SORCS1: variants seen among roughly 807,000 people sequenced by gnomAD.
SORCS1 encodes the protein VPS10 domain-containing receptor SorCS1.
SORCS1 carries 60 observed loss-of-function variants against 146.1 expected under a neutral mutation model. The ratio of observed to expected loss-of-function variants is 0.41; its 90% confidence interval spans 0.33 to 0.51. The LOEUF (loss-of-function observed/expected upper bound fraction) is 0.51. Ranked by LOEUF, SORCS1 falls within the 20% of genes least tolerant of loss-of-function variation. The pLI, the probability that SORCS1 is intolerant of heterozygous loss-of-function variation, is 0.21. For synonymous variants in SORCS1, 637 were observed against 584.0 expected (o/e 1.09, Z -1.31); for missense variants, 1,352 against 1,487.6 (o/e 0.91, Z 1.50).
At chr10:106,637,732 A>AAC (rs1564804845) in intron 18 of SORCS1, among the ~76,000 whole-genome samples, 1 of 152,238 alleles carries the variant, frequency 6.6e-6, no homozygotes, top group Non-Finnish European at 1.5e-5. Flanking sequence ...AGATGAAATG[A>AAC]AGATGGCTGT....
At chr10:106,857,708 T>G (rs999648169) in intron 2 of SORCS1, among the ~76,000 whole-genome samples, 1 of 152,236 alleles carries the variant, frequency 6.6e-6, no homozygotes, top group African/African-American at 2.4e-5. Flanking sequence ...TTATCATTCA[T>G]TGACAGATTT....
intron 5 of SORCS1, among the ~76,000 whole-genome samples, chr10:106,736,602 T>TTAAAAAAAAAAAA (rs1433395056): frequency 3.1e-4 from 12 of 38,756 alleles, no homozygotes; most frequent in African/African-American, 8.3e-4. Context: ...TAACCCTGGT[T>TTAAAAAAAAAAAA]AAAAAAAAAA....
rs931678071 is a variant in SORCS1, at chr10:106,618,032, C to T, written c.2920+117G>A. The T allele has an allele frequency of 6.6e-6, 9 of 1,355,342 alleles. No individual in the cohort carries two copies. In the African/African-American group the frequency reaches 1.0e-4, roughly 15 times the overall value. The allele number at this position is 1,355,342 out of a possible 1,614,324, so 84.0% of individuals were successfully genotyped here. A position where few individuals can be genotyped will look rare whatever the true frequency, so the allele number is the denominator to read the frequency against. On this transcript the variant is annotated intron_variant, in intron 21 of 25. Coordinates refer to ENST00000263054, the MANE Select transcript of SORCS1 (RefSeq NM_052918.5). ...ACTCGCCTCAGCTCTTTCTCAACTA[C>T]TGCCCTCCGTTCTCCAGGTAAAAGT...
At chr10:106,971,118 C>G (rs557887202) in intron 1 of SORCS1, among the ~76,000 whole-genome samples, 1 of 151,958 alleles carries the variant, frequency 6.6e-6, no homozygotes, top group South Asian at 2.1e-4. Context: ...GTTGCCACCA[C>G]GATATTTTAA....
chr10:106,854,157 C>T (rs1192752178), intron 2 of SORCS1, among the ~76,000 whole-genome samples: 1 of 152,012 alleles, frequency 6.6e-6, no homozygotes, highest in East Asian at 1.9e-4. Flanking sequence ...ATATTAAGGA[C>T]TCATGTCTTC....
At chr10:106,807,089 G>A (rs1171906349) in intron 3 of SORCS1, among the ~76,000 whole-genome samples, 1 of 152,004 alleles carries the variant, frequency 6.6e-6, no homozygotes, top group East Asian at 1.9e-4. Context: ...TTTCTCTTTA[G>A]ATTACTTCTC....
intron 3 of SORCS1, among the ~76,000 whole-genome samples, chr10:106,798,559 T>C (rs1052024952): frequency 3.3e-5 from 5 of 152,088 alleles, no homozygotes; most frequent in Non-Finnish European, 7.4e-5. Context: ...GTCCTTGCGA[T>C]AGTTTGCTGA....
In SORCS1 at chr10:107,060,747, T is replaced by G. The variant is rs1444614544; in HGVS notation, c.558+103222A>C. 1.3e-5 allele frequency among the ~76,000 whole-genome samples: 2 copies of G among 152,166 alleles called. No individual in the cohort carries two copies. The highest frequency in any genetic ancestry group is 2.9e-5 in the Non-Finnish European group (2 of 68,020). Reference sequence around the variant, plus strand: ...GACAATATCTTTTTACATGAAAAAATGTACTAAATGTGACTCATTTAGCAC... The same window carrying G: ...GACAATATCTTTTTACATGAAAAAAGGTACTAAATGTGACTCATTTAGCAC... On this transcript the variant is annotated intron_variant, in intron 1 of 25. Transcript: ENST00000263054. This position sits in a 1 kb window ranked among gnomAD's most constrained non-coding sequence, Gnocchi z 4.1.
intron 2 of SORCS1, among the ~76,000 whole-genome samples, chr10:106,955,562 C>A (rs1276736485): frequency 6.6e-6 from 1 of 152,240 alleles, no homozygotes; most frequent in East Asian, 1.9e-4. Context: ...AATCCTGTAT[C>A]ATTTCCATAC....
At chr10:106,878,867 C>G (rs1950705201) in intron 2 of SORCS1, among the ~76,000 whole-genome samples, 1 of 150,926 alleles carries the variant, frequency 6.6e-6, no homozygotes, top group Non-Finnish European at 1.5e-5. Context: ...AAAAAATTTC[C>G]CTGGGCGCAA....
intron 2 of SORCS1, among the ~76,000 whole-genome samples, chr10:106,919,170 C>T (rs1564809960): frequency 6.6e-6 from 1 of 152,186 alleles, no homozygotes; most frequent in Non-Finnish European, 1.5e-5. Flanking sequence ...TTCTACAGTA[C>T]AGACCACTTA....
chr10:107,105,247 G>C (rs1427795968), intron 1 of SORCS1, among the ~76,000 whole-genome samples: 5 of 152,088 alleles, frequency 3.3e-5, no homozygotes, highest in Non-Finnish European at 7.4e-5. Flanking sequence ...GACAGAACAT[G>C]GTGTCTCAGT....
intron 1 of SORCS1, among the ~76,000 whole-genome samples, chr10:107,035,259 C>T (rs1958847368): frequency 8.8e-6 from 1 of 113,278 alleles, no homozygotes; most frequent in Admixed American, 1.1e-4. Flanking sequence ...TCCAGTGAAG[C>T]TTCAAAAAAA....
rs1297225829 is a variant in SORCS1, at chr10:106,960,005, T to C, written c.559-3425A>G. 6.6e-6 allele frequency among the ~76,000 whole-genome samples: 1 copy of C among 152,204 alleles called. No homozygotes were observed. Among genetic ancestry groups the C allele is most frequent in the African/African-American group, 2.4e-5 (1 of 41,450 alleles). ...ATCTCAAAATGCATATGAACATATATACCCCCACACAAAGTGGCATATCCA... is the reference window on the plus strand; with the variant it reads ...ATCTCAAAATGCATATGAACATATACACCCCCACACAAAGTGGCATATCCA... On this transcript the variant is annotated intron_variant, in intron 1 of 25. Transcript: ENST00000263054. This position sits in a 1 kb window ranked among gnomAD's most constrained non-coding sequence, Gnocchi z 4.4.
At chr10:106,666,087 A>G (rs1851115948) in intron 17 of SORCS1, among the ~76,000 whole-genome samples, 1 of 152,046 alleles carries the variant, frequency 6.6e-6, no homozygotes, top group Admixed American at 6.6e-5. Flanking sequence ...TGATCCGCCC[A>G]CCTCACCCTC....
chr10:106,912,512 A>G (rs536795930), intron 2 of SORCS1, among the ~76,000 whole-genome samples: 151 of 152,288 alleles, frequency 9.9e-4, no homozygotes, highest in African/African-American at 3.4e-3. Flanking sequence ...ACCTAAGCCC[A>G]CAAAATTTTC....
intron 1 of SORCS1, among the ~76,000 whole-genome samples, chr10:106,989,115 A>C (rs1328013839): frequency 2.0e-5 from 3 of 151,072 alleles, no homozygotes; most frequent in Non-Finnish European, 4.4e-5. Flanking sequence ...AAAAAAAAAA[A>C]AAAAATTAGC....
intron 1 of SORCS1, among the ~76,000 whole-genome samples, chr10:107,074,221 C>A (rs915903160): frequency 6.6e-6 from 1 of 152,206 alleles, no homozygotes. Context: ...CAACACCGGG[C>A]AACCACTCAT....
rs1955156634 is a variant in SORCS1 at position 106,960,242 on chromosome 10, G to A, written c.559-3662C>T. 6.6e-6 allele frequency among the ~76,000 whole-genome samples: 1 copy of A among 152,044 alleles called. No homozygotes were observed. On this transcript the variant is annotated intron_variant, in intron 1 of 25. Transcript: ENST00000263054. This position sits in a 1 kb window ranked among gnomAD's most constrained non-coding sequence, Gnocchi z 4.4. ...GGACCTCTGCATCCAGTTATTTCTGGGATTTCCACAGTGACATGCTTCAAG... is the reference window on the plus strand; with the variant it reads ...GGACCTCTGCATCCAGTTATTTCTGAGATTTCCACAGTGACATGCTTCAAG...
Sources: allele counts gnomAD v4.1 joint callset (sites outside exome capture counted in the v4.1 genomes callset), GRCh38; gene constraint gnomAD v4.1.1; non-coding constraint Gnocchi (gnomAD v3.1); transcripts MANE v1.5; gene names NCBI Gene and HGNC (gene_info 2026-07-23, HGNC 2026-07-21).